The following KIF27 variants were observed in gnomAD, a reference collection of about 807,000 sequenced individuals.
KIF27 encodes the protein kinesin family member 27.
A neutral mutation model predicts 141.8 loss-of-function variants in KIF27; 84 were observed. The observed-to-expected ratio is 0.59, with a 90% confidence interval of 0.50 to 0.71. KIF27 has a LOEUF of 0.71. Among genes scored for constraint, KIF27 ranks in the 30% least tolerant of loss-of-function variants. The probability of loss-of-function intolerance (pLI) is 0.00; values close to 1 mark genes in which losing one functional copy is unlikely to be tolerated. For synonymous variants in KIF27, 471 were observed against 569.5 expected (o/e 0.83, Z 2.46); for missense variants, 1,306 against 1,628.4 (o/e 0.80, Z 3.41).
chr9:83,908,760 T>A, intron 2 of KIF27, 108 bp from the exon 3 acceptor site: 5 of 365,520 alleles, frequency 1.4e-5, no homozygotes, highest in African/African-American at 3.3e-5. Flanking sequence ...TATTATAACT[T>A]TTTTTTTTTT....
intron 14 of KIF27, chr9:83,854,939 A>C (rs963396824): frequency 1.3e-5 from 2 of 152,280 alleles, no homozygotes; most frequent in Non-Finnish European, 2.9e-5. Flanking sequence ...TGAAGAAAGA[A>C]GAGAAAAAAG....
intron 7 of KIF27, 97 bp downstream of exon 7, chr9:83,888,987 C>T: frequency 7.3e-7 from 1 of 1,364,572 alleles, no homozygotes; most frequent in Non-Finnish European, 9.7e-7. Context: ...TTCTATTAAA[C>T]ATAAAAGATA....
chr9:83,888,998 T>C (rs1310787921), intron 7 of KIF27, 86 bp downstream of exon 7: 7 of 1,432,664 alleles, frequency 4.9e-6, no homozygotes, highest in Admixed American at 2.5e-5. Context: ...ATAAAAGATA[T>C]ACTCCAATGG....
rs571147273 is a variant in KIF27, at chr9:83,845,678, G to C, written c.3557-3277C>G. On this transcript the variant is annotated intron_variant, in intron 16 of 17. Transcript: ENST00000297814. ...TGAAGGAAAATCTTCCCAGTGGGCA[G>C]AACTTTGAACAGTGCACCTGGTTGT... Among the ~76,000 whole-genome samples, 244 of 152,340 alleles carry C rather than the reference G, an allele frequency of 1.6e-3. 1 individual carries two copies. The highest frequency in any genetic ancestry group is 5.6e-3 in the African/African-American group (231 of 41,584).
intron 6 of KIF27, among the ~76,000 whole-genome samples, chr9:83,890,848 TA>T (rs1270379505): frequency 6.6e-6 from 1 of 152,208 alleles, no homozygotes; most frequent in Non-Finnish European, 1.5e-5. Flanking sequence ...ACACACAAAC[TA>T]AAATTTATAT....
intron 13 of KIF27, among the ~76,000 whole-genome samples, chr9:83,862,402 A>C (rs1432600978): frequency 1.3e-5 from 2 of 152,236 alleles, no homozygotes; most frequent in African/African-American, 4.8e-5. Flanking sequence ...ATGGCTAGCC[A>C]GTTTTCCCAG....
At chr9:83,850,830 CTTTTTTTTTTTTTTTT>C (rs202212264) in intron 15 of KIF27, among the ~76,000 whole-genome samples, 1 of 67,504 alleles carries the variant, frequency 1.5e-5, no homozygotes, top group Non-Finnish European at 2.9e-5. Flanking sequence ...ATGACATTTT[CTTTTTTTTTTTTTTTT>C]TTTTTTTTTT....
intron 3 of KIF27, 93 bp from the exon 4 acceptor site, chr9:83,904,111 A>T: frequency 1.2e-6 from 1 of 867,980 alleles, no homozygotes; most frequent in East Asian, 2.5e-5. Context: ...TGGCCAAGAT[A>T]GTCCCTTTTT....
chr9:83,841,277 G>C (rs113352158), intron 17 of KIF27, among the ~76,000 whole-genome samples: 20,350 of 152,118 alleles, frequency 0.13, 1,447 homozygotes, highest in African/African-American at 0.14. Flanking sequence ...CACCATGTTG[G>C]TCAGGTTGGT....
At position 83,889,241 on chromosome 9, in the gene KIF27, G is replaced by T. The variant is rs201326496; in HGVS notation, c.1822C>A (p.Pro608Thr). 2.4e-5 allele frequency: 38 copies of T among 1,598,176 alleles called. No individual in the cohort carries two copies. The highest frequency in any genetic ancestry group is 8.5e-6 in the Non-Finnish European group (10 of 1,171,508). The change falls in exon 7 of 18, where the codon CCG becomes ACG. Residue 608 changes from proline (P) to threonine (T), a missense_variant. Pro to Thr is a conservative substitution (Grantham distance 38). Transcript: ENST00000297814. ...RQDSRKVHTSPPMYSLDRIFA... is the reference protein window; with the variant it reads ...RQDSRKVHTSTPMYSLDRIFA... ...ATTCGATCCAGAGAGTACATAGGCG[G>T]ACTTGTGTGGACCTTGCAAGTGATT...
intron 1 of KIF27, among the ~76,000 whole-genome samples, chr9:83,918,330 G>GA (rs567699114): frequency 6.9e-6 from 1 of 144,478 alleles, no homozygotes; most frequent in Non-Finnish European, 1.5e-5. Flanking sequence ...AAATGGGGGG[G>GA]GGGCAGGACA....
At position 83,834,842 on chromosome 9, in the gene KIF27, CAT is replaced by C. The variant is rs1039082464; in HGVS notation, c.*2157_*2158del. On this transcript the variant is annotated 3_prime_UTR_variant, in exon 18 of 18. Transcript: ENST00000297814. Reference sequence around the variant, plus strand: ...ACATTATAGCTATATAATGATATATCATGATATAAAATATGATATGAAATAAT... The same window carrying C: ...ACATTATAGCTATATAATGATATATCGATATAAAATATGATATGAAATAAT... 4.8e-5 allele frequency among the ~76,000 whole-genome samples: 7 copies of C among 147,214 alleles called. No individual in the cohort carries two copies. The highest frequency in any genetic ancestry group is 1.5e-4 in the African/African-American group (6 of 39,136).
At chr9:83,868,710 T>C (rs551671165) in intron 12 of KIF27, among the ~76,000 whole-genome samples, 95 of 152,234 alleles carry the variant, frequency 6.2e-4, no homozygotes, top group African/African-American at 2.3e-3. Flanking sequence ...TAGTCCTTCA[T>C]GAACCTTATA....
chr9:83,843,501 A>G (rs1002310419), intron 16 of KIF27, among the ~76,000 whole-genome samples: 2 of 152,094 alleles, frequency 1.3e-5, no homozygotes, highest in African/African-American at 4.8e-5. Context: ...TTTGGTTACA[A>G]TTGGCTGTTT....
At position 83,835,517 on chromosome 9, in the gene KIF27, A is replaced by G. The variant is rs1945730320; in HGVS notation, c.*1484T>C. 6.6e-6 allele frequency: 1 copy of G among 152,126 alleles called. No individual in the cohort carries two copies. Among genetic ancestry groups the G allele is most frequent in the Non-Finnish European group, 1.5e-5 (1 of 68,014 alleles). The allele number at this position is 152,126 out of a possible 1,614,324, so 9.4% of individuals were successfully genotyped here. A position where few individuals can be genotyped will look rare whatever the true frequency, so the allele number is the denominator to read the frequency against. Reference sequence around the variant, plus strand: ...ATGCTTAAGAGATATTTTCCTTTTTATAAGTTTGTTTTGTTTTGGTTTGTT... The same window carrying G: ...ATGCTTAAGAGATATTTTCCTTTTTGTAAGTTTGTTTTGTTTTGGTTTGTT... On this transcript the variant is annotated 3_prime_UTR_variant, in exon 18 of 18. Transcript: ENST00000297814.
chr9:83,910,511 T>C (rs1447823770), intron 2 of KIF27, among the ~76,000 whole-genome samples: 2 of 152,212 alleles, frequency 1.3e-5, no homozygotes, highest in Non-Finnish European at 2.9e-5. Context: ...TTCTGAGATT[T>C]CTGGATGGGG....
At chr9:83,910,625 A>G (rs1175051661) in intron 2 of KIF27, among the ~76,000 whole-genome samples, 6 of 152,218 alleles carry the variant, frequency 3.9e-5, no homozygotes, top group Non-Finnish European at 7.3e-5. Context: ...AGACAGGTGC[A>G]GAAAGGCCAG....
intron 13 of KIF27, among the ~76,000 whole-genome samples, chr9:83,866,944 A>C (rs997424847): frequency 3.3e-5 from 5 of 149,858 alleles, no homozygotes; most frequent in South Asian, 2.1e-4. Flanking sequence ...TTTATATTTT[A>C]TTCACCCCCC....
chr9:83,874,512 G>A (rs948934114), intron 11 of KIF27, among the ~76,000 whole-genome samples: 1 of 152,174 alleles, frequency 6.6e-6, no homozygotes, highest in African/African-American at 2.4e-5. Context: ...CAGGTTTTCT[G>A]TTTTTGCATT....
Sources: gnomAD v4.1 joint callset for allele counts (sites outside exome capture counted in the v4.1 genomes callset) on GRCh38, gnomAD v4.1.1 for gene constraint, MANE v1.5 for transcripts, NCBI Gene and HGNC (gene_info 2026-07-23, HGNC 2026-07-21) for gene names.